Variants in PPP1R1C observed in about 807,000 individuals in gnomAD.
PPP1R1C encodes protein phosphatase 1 regulatory inhibitor subunit 1C, also known as protein phosphatase 1 regulatory subunit 1C.
A neutral mutation model predicts 17.4 loss-of-function variants in PPP1R1C; 15 were observed. The observed-to-expected ratio is 0.86, with a 90% CI of 0.58 to 1.33. The LOEUF is 1.33. Ranked by LOEUF, PPP1R1C falls within the 40% of genes most tolerant of loss-of-function variation. PPP1R1C has a pLI of 0.00. For missense variants in PPP1R1C, 143 were observed against 130.0 expected, an observed-to-expected ratio of 1.10 and a Z score of -0.48; for synonymous variants, 35 against 43.1, an observed-to-expected ratio of 0.81 and a Z score of 0.73.
At chr2:182,097,039 C>A (rs1446171763) in intron 4 of PPP1R1C, among the ~76,000 whole-genome samples, 1 of 152,204 alleles carries the variant, frequency 6.6e-6, no homozygotes, top group Non-Finnish European at 1.5e-5. Flanking sequence ...TATTACTAGA[C>A]TTTTAAGCCC....
At chr2:182,079,927 T>C (rs999735270) in intron 4 of PPP1R1C, among the ~76,000 whole-genome samples, 2 of 152,206 alleles carry the variant, frequency 1.3e-5, no homozygotes, top group South Asian at 2.1e-4. Context: ...ACATCAGTTA[T>C]TGGATTTAGA....
intron 2 of PPP1R1C, among the ~76,000 whole-genome samples, chr2:181,999,623 A>G (rs1255201358): frequency 6.6e-6 from 1 of 152,168 alleles, no homozygotes; most frequent in East Asian, 1.9e-4. Context: ...TCTGTTTGAT[A>G]TAATATATCC....
chr2:182,027,924 C>T (rs1245104074), intron 2 of PPP1R1C, among the ~76,000 whole-genome samples: 1 of 131,514 alleles, frequency 7.6e-6, no homozygotes, highest in African/African-American at 2.8e-5. Context: ...TCAACTACTT[C>T]CTGGTTTAGT....
intron 4 of PPP1R1C, among the ~76,000 whole-genome samples, chr2:182,076,181 CTTTTTTTTTTCTTTTCT>C (rs1688292947): frequency 4.2e-5 from 2 of 47,486 alleles, no homozygotes; most frequent in African/African-American, 1.7e-4. Context: ...GGATTTTGAA[CTTTTTTTTTTCTTTTCT>C]TTTTTTTTTT....
chr2:182,104,086 G>A (rs1689179264), intron 4 of PPP1R1C, among the ~76,000 whole-genome samples: 1 of 152,168 alleles, frequency 6.6e-6, no homozygotes, highest in African/African-American at 2.4e-5. Context: ...AAGATTTACT[G>A]TGCTTTTTCT....
intron 2 of PPP1R1C, among the ~76,000 whole-genome samples, chr2:181,996,695 A>C (rs1020274234): frequency 2.0e-5 from 3 of 152,184 alleles, no homozygotes; most frequent in Non-Finnish European, 4.4e-5. Flanking sequence ...GAGAATTTAT[A>C]ATCTTTCATG....
intron 2 of PPP1R1C, among the ~76,000 whole-genome samples, chr2:182,015,237 C>T (rs1686224917): frequency 6.6e-6 from 1 of 152,110 alleles, no homozygotes; most frequent in South Asian, 2.1e-4. Flanking sequence ...GGGCAGTTTA[C>T]CCCGTACTGT....
downstream of PPP1R1C, among the ~76,000 whole-genome samples, chr2:182,119,576 T>G (rs1689680402): frequency 6.6e-6 from 1 of 152,216 alleles, no homozygotes; most frequent in Admixed American, 6.5e-5. Flanking sequence ...TGTTGTTTCC[T>G]GACTTTTTAA....
At chr2:182,093,446 G>T (rs191784607) in intron 4 of PPP1R1C, among the ~76,000 whole-genome samples, 51 of 152,330 alleles carry the variant, frequency 3.3e-4, no homozygotes, top group Middle Eastern at 6.8e-3. Context: ...TTGTATTGGG[G>T]ATTAACATTC....
chr2:182,123,178 A>C (rs1574469266), intron 5 of PPP1R1C, among the ~76,000 whole-genome samples: 1 of 152,276 alleles, frequency 6.6e-6, no homozygotes, highest in Non-Finnish European at 1.5e-5. Context: ...GCAAAGGACA[A>C]GAACTCATTC....
chr2:182,049,578 A>G (rs1687448975), intron 2 of PPP1R1C, among the ~76,000 whole-genome samples: 1 of 152,098 alleles, frequency 6.6e-6, no homozygotes, highest in Admixed American at 6.5e-5. Context: ...GAGGGGTGGA[A>G]CATCAAACTG....
intron 2 of PPP1R1C, among the ~76,000 whole-genome samples, chr2:182,026,690 C>T (rs955317936): frequency 7.2e-5 from 11 of 152,140 alleles, no homozygotes; most frequent in Admixed American, 1.3e-4. Context: ...CTTGGCAATG[C>T]GGGCTCTTTT....
At chr2:181,991,142 G>T (rs1007140745) in intron 2 of PPP1R1C, among the ~76,000 whole-genome samples, 2 of 150,664 alleles carry the variant, frequency 1.3e-5, no homozygotes, top group African/African-American at 4.9e-5. Context: ...TGAAGTGTTT[G>T]CAGGAAGAGT....
At chr2:182,128,402 G>A (rs1689928230) in intron 5 of PPP1R1C, among the ~76,000 whole-genome samples, 1 of 151,974 alleles carries the variant, frequency 6.6e-6, no homozygotes, top group African/African-American at 2.4e-5. Flanking sequence ...TATAATAGAA[G>A]ATCAGAGAAT....
chr2:181,971,140 G>A (rs1684998788), intron 1 of PPP1R1C, among the ~76,000 whole-genome samples: 1 of 152,142 alleles, frequency 6.6e-6, no homozygotes, highest in Non-Finnish European at 1.5e-5. Flanking sequence ...CAAGCAGAAT[G>A]AGTCTCTCAC....
Position 181,999,554 on chromosome 2 carries a change from GTC to G in PPP1R1C, c.142+11657_142+11658del, listed in dbSNP as rs756824769. Among the ~76,000 whole-genome samples the G allele has an allele frequency of 9.3e-4, 141 of 151,996 alleles. 1 individual carries two copies. The highest frequency in any genetic ancestry group is 9.1e-4 in the Non-Finnish European group (62 of 67,948). On this transcript the variant is annotated intron_variant, in intron 2 of 4. Transcript: ENST00000682840. ...ACACAGCACTCTTTCTATTTTATTT[GTC>G]TTTTTCATGGAATAAAATATAAGCA...
chr2:181,960,661 G>A (rs923130464), intron 1 of PPP1R1C, among the ~76,000 whole-genome samples: 2 of 152,110 alleles, frequency 1.3e-5, no homozygotes, highest in African/African-American at 2.4e-5. Flanking sequence ...TCTGCCATGG[G>A]CCCTTGTGTT....
intron 4 of PPP1R1C, among the ~76,000 whole-genome samples, chr2:182,078,295 C>G (rs1434785148): frequency 6.6e-6 from 1 of 152,184 alleles, no homozygotes; most frequent in Non-Finnish European, 1.5e-5. Flanking sequence ...CACCATCTGT[C>G]TTTAATCATC....
intron 2 of PPP1R1C, among the ~76,000 whole-genome samples, chr2:182,044,101 T>A (rs1469677299): frequency 1.3e-5 from 2 of 152,180 alleles, no homozygotes; most frequent in Non-Finnish European, 2.9e-5. Context: ...TCTCACCTGG[T>A]TCCACCTTCA....
Sources: gnomAD v4.1 joint callset for allele counts (sites outside exome capture counted in the v4.1 genomes callset) on GRCh38, gnomAD v4.1.1 for gene constraint, MANE v1.5 for transcripts, NCBI Gene and HGNC (gene_info 2026-07-23, HGNC 2026-07-21) for gene names.